Variants in LRP5 observed in about 807,000 individuals in gnomAD.
LRP5 encodes the protein LDL receptor related protein 5, also known as low-density lipoprotein receptor-related protein 5.
LRP5 carries 62 observed loss-of-function variants against 154.1 expected under a neutral mutation model. That is an observed-to-expected ratio of 0.40 (90% CI 0.33 to 0.50). The LOEUF (loss-of-function observed/expected upper bound fraction) is 0.50. Ranked by LOEUF, LRP5 falls within the 20% of genes least tolerant of loss-of-function variation. The pLI, the probability that LRP5 is intolerant of heterozygous loss-of-function variation, is 0.55. For synonymous variants in LRP5, 966 were observed against 1,011.5 expected (o/e 0.96, Z 0.85); for missense variants, 1,915 against 2,336.7 (o/e 0.82, Z 3.72).
chr11:68,412,242 G>C (rs1055368080), intron 11 of LRP5, among the ~76,000 whole-genome samples: 1 of 152,206 alleles, frequency 6.6e-6, no homozygotes, highest in African/African-American at 2.4e-5. Flanking sequence ...TTCTGCTAGA[G>C]TAGTTAGCTG....
chr11:68,341,019 G>A (rs888870686), intron 1 of LRP5, among the ~76,000 whole-genome samples: 15 of 141,794 alleles, frequency 1.1e-4, no homozygotes, highest in African/African-American at 3.7e-4. Context: ...ACCTTTCCAC[G>A]GAGACAATAG....
rs79764972 is a variant in LRP5 at position 68,359,589 on chromosome 11, A to G, written c.686+1742A>G. 4.6e-3 allele frequency among the ~76,000 whole-genome samples: 700 copies of G among 152,322 alleles called. 5 individuals are homozygous for G. Among genetic ancestry groups the G allele is most frequent in the African/African-American group, 0.016 (670 of 41,584 alleles). On this transcript the variant is annotated intron_variant, in intron 3 of 22. Transcript: ENST00000294304. ...GGCGGTGGCGGCAGCGAATCCTTCC[A>G]TAGCACTTACTGTTTTCCAGGGACG...
rs552244234 is a variant in LRP5 at position 68,448,082 on chromosome 11, A to G, written c.4587-727A>G. Among the ~76,000 whole-genome samples the G allele has an allele frequency of 4.9e-4, 75 of 152,356 alleles. 1 individual carries two copies. Among genetic ancestry groups the G allele is most frequent in the Non-Finnish European group, 4.9e-4 (33 of 68,030 alleles). On this transcript the variant is annotated intron_variant, in intron 22 of 22. Coordinates refer to ENST00000294304, the MANE Select transcript of LRP5 (RefSeq NM_002335.4). ...GGCCTCACAATCATGGTAGAAGACAAGGAGGAGCAAGTCACATCTTACATG... is the reference window on the plus strand; with the variant it reads ...GGCCTCACAATCATGGTAGAAGACAGGGAGGAGCAAGTCACATCTTACATG...
chr11:68,377,347 T>A (rs537729087), intron 5 of LRP5, among the ~76,000 whole-genome samples: 2 of 152,340 alleles, frequency 1.3e-5, no homozygotes, highest in East Asian at 3.9e-4. Context: ...AGCCCCTGAC[T>A]GCAGGCCAAG....
At position 68,383,992 on chromosome 11, in the gene LRP5, C is replaced by G. The variant is rs559675235; in HGVS notation, c.1016-2324C>G. Among the ~76,000 whole-genome samples the G allele has an allele frequency of 1.6e-4, 25 of 152,318 alleles. No individual in the cohort carries two copies. The South Asian group carries it at 5.0e-3, about 30-fold the overall frequency. On this transcript the variant is annotated intron_variant, in intron 5 of 22. Transcript: ENST00000294304. ...CCCCTGACCAGATCTAAATTTGGCT[C>G]TCAGAGATTTCCATTGTAGCTGGGC...
chr11:68,422,819 A>C (rs959665349), intron 13 of LRP5, among the ~76,000 whole-genome samples: 35 of 48,636 alleles, frequency 7.2e-4, no homozygotes, highest in Admixed American at 9.9e-4. Context: ...TTCCCTACCC[A>C]CCCTCACCTC....
chr11:68,400,140 C>T (rs539055362), intron 7 of LRP5, among the ~76,000 whole-genome samples: 1 of 152,282 alleles, frequency 6.6e-6, no homozygotes, highest in East Asian at 1.9e-4. Context: ...GCCGAGGCTA[C>T]AGCCAGCCCC....
In LRP5 at chr11:68,425,197, T is replaced by C. The variant is rs754423729; in HGVS notation, c.3332T>C (p.Leu1111Pro). The change falls in exon 15 of 23, where the codon CTC becomes CCC. Residue 1111 changes from leucine (L) to proline (P), a missense_variant. Transcript: ENST00000294304. Reference sequence around the variant, plus strand: ...CGCGAGGTCCTCTTCACCACCGGCCTCATCCGCCCTGTGGCCCTGGTGGTG... The same window carrying C: ...CGCGAGGTCCTCTTCACCACCGGCCCCATCCGCCCTGTGGCCCTGGTGGTG... ...TEREVLFTTG[L>P]IRPVALVVDN... is the part of the protein sequence containing the mutation. 6.2e-7 allele frequency: 1 copy of C among 1,613,556 alleles called. No homozygotes were observed. Among genetic ancestry groups the C allele is most frequent in the Admixed American group, 1.7e-5 (1 of 60,024 alleles).
At chr11:68,338,627 G>A (rs2098607008) in intron 1 of LRP5, among the ~76,000 whole-genome samples, 1 of 152,136 alleles carries the variant, frequency 6.6e-6, no homozygotes, top group African/African-American at 2.4e-5. Context: ...ATAGTGCCAA[G>A]AACCCACAGC....
chr11:68,424,689 G>A (rs768373528), intron 14 of LRP5, among the ~76,000 whole-genome samples: 4 of 152,222 alleles, frequency 2.6e-5, no homozygotes, highest in African/African-American at 7.2e-5. Context: ...GCAGGGCCCT[G>A]CGCCCTCTGA....
At chr11:68,431,436 C>T (rs2098671856) in intron 17 of LRP5, among the ~76,000 whole-genome samples, 2 of 151,980 alleles carry the variant, frequency 1.3e-5, no homozygotes, top group East Asian at 1.9e-4. Context: ...GATGGTGTTT[C>T]ACCATGTTGG....
At chr11:68,421,326 G>T (rs1332111416) in intron 13 of LRP5, among the ~76,000 whole-genome samples, 1 of 152,032 alleles carries the variant, frequency 6.6e-6, no homozygotes, top group African/African-American at 2.4e-5. Context: ...TGTTGTTTTT[G>T]TGCCCGGGAG....
chr11:68,356,257 G>A lies in LRP5; in HGVS notation c.489-1393G>A, dbSNP rs750175920. ...CCCAGGGCTGAAGGGATCCTCCCAC[G>A]TCAGCCTCCCAAGTAGCTGGGACTA... On this transcript the variant is annotated intron_variant, in intron 2 of 22. Coordinates refer to ENST00000294304, the MANE Select transcript of LRP5 (RefSeq NM_002335.4). Among the ~76,000 whole-genome samples the A allele has an allele frequency of 4.1e-5, 6 of 146,576 alleles. No individual in the cohort carries two copies. In the South Asian group the frequency reaches 1.1e-3, roughly 27 times the overall value.
chr11:68,355,333 G>A lies in LRP5; in HGVS notation c.489-2317G>A, dbSNP rs376352165. Among the ~76,000 whole-genome samples the A allele has an allele frequency of 4.9e-4, 75 of 152,278 alleles. No individual in the cohort carries two copies. The South Asian group carries it at 5.0e-3, about 10-fold the overall frequency. Reference sequence around the variant, plus strand: ...AAGGCTGAGGGGAATGGGGTTTGCCGCCCACCCCAGGAAGAAGGGAGCAAG... The same window carrying A: ...AAGGCTGAGGGGAATGGGGTTTGCCACCCACCCCAGGAAGAAGGGAGCAAG... On this transcript the variant is annotated intron_variant, in intron 2 of 22. Transcript: ENST00000294304.
At position 68,388,610 on chromosome 11, in the gene LRP5, T is replaced by C. The variant is rs548846524; in HGVS notation, c.1413-1271T>C. Among the ~76,000 whole-genome samples the C allele has an allele frequency of 9.9e-4, 151 of 152,290 alleles. 3 individuals are homozygous for C. The South Asian group carries it at 0.02, about 20-fold the overall frequency. ...GGGGGGCCCCAGGGAACAAGTCACC[T>C]GTCCTTTGCATAGGGGAGCCCTTCA... On this transcript the variant is annotated intron_variant, in intron 6 of 22. Coordinates refer to ENST00000294304, the MANE Select transcript of LRP5 (RefSeq NM_002335.4).
At chr11:68,302,645 T>C in the LRP5 span, among the ~76,000 whole-genome samples, 1 of 152,218 alleles carries the variant, frequency 6.6e-6, no homozygotes, top group Non-Finnish European at 1.5e-5. Flanking sequence ...GAGAGAGGCT[T>C]GGGGACTTGT....
In LRP5 at chr11:68,423,748, C is replaced by T. The variant is rs752790539; in HGVS notation, c.3236+51C>T. 4.5e-6 allele frequency: 7 copies of T among 1,545,806 alleles called. No homozygotes were observed. Among genetic ancestry groups the T allele is most frequent in the Middle Eastern group, 2.1e-4 (1 of 4,652 alleles). On this transcript the variant is annotated intron_variant, in intron 14 of 22. Transcript: ENST00000294304. This position sits in a 1 kb window ranked among gnomAD's most constrained non-coding sequence, Gnocchi z 4.7. ...GTGCTGCCCGTCCAGGCGTGCCCGC[C>T]GTGTCTTCTGCCGAATGCCAGCCTC...
rs773117749 is a variant in LRP5, at chr11:68,425,098, G to A, written c.3237-4G>A. The A allele has an allele frequency of 2.2e-5, 36 of 1,613,248 alleles. No homozygotes were observed. The highest frequency in any genetic ancestry group is 3.3e-5 in the Admixed American group (2 of 59,966). On this transcript the variant is annotated splice_polypyrimidine_tract_variant and splice_region_variant and intron_variant, in intron 14 of 22. Coordinates refer to ENST00000294304, the MANE Select transcript of LRP5 (RefSeq NM_002335.4). ...CCCGTCCTTCACCCGCCACCCTCCCGCAGGTACCTGTACTTCACCAACATG... is the reference window on the plus strand; with the variant it reads ...CCCGTCCTTCACCCGCCACCCTCCCACAGGTACCTGTACTTCACCAACATG...
At chr11:68,416,793 A>G (rs2098662784) in intron 13 of LRP5, among the ~76,000 whole-genome samples, 1 of 152,174 alleles carries the variant, frequency 6.6e-6, no homozygotes, top group Non-Finnish European at 1.5e-5. Flanking sequence ...TTGTCTTTTC[A>G]AGAAAGAAAA....
Sources: gnomAD v4.1 joint callset for allele counts (sites outside exome capture counted in the v4.1 genomes callset) on GRCh38, gnomAD v4.1.1 for gene constraint, Gnocchi (gnomAD v3.1) non-coding constraint, MANE v1.5 for transcripts, NCBI Gene and HGNC (gene_info 2026-07-23, HGNC 2026-07-21) for gene names.